The following CERS6 variants were observed in gnomAD, a reference collection of about 807,000 sequenced individuals.
CERS6 encodes LAG1 homolog, ceramide synthase 6.
A neutral mutation model predicts 56.8 loss-of-function variants in CERS6; 26 were observed. The ratio of observed to expected loss-of-function variants is 0.46; its 90% confidence interval spans 0.34 to 0.63. CERS6 has a LOEUF of 0.63. Among genes scored for constraint, CERS6 ranks in the 30% least tolerant of loss-of-function variants. CERS6 has a pLI of 0.01. For missense variants in CERS6, 415 were observed against 467.5 expected, an observed-to-expected ratio of 0.89 and a Z score of 1.04; for synonymous variants, 164 against 173.3, an observed-to-expected ratio of 0.95 and a Z score of 0.42.
chr2:168,579,661 A>G (rs540809810), intron 3 of CERS6, among the ~76,000 whole-genome samples: 1 of 152,260 alleles, frequency 6.6e-6, no homozygotes, highest in South Asian at 2.1e-4. Flanking sequence ...TGGCACAGGT[A>G]TACCCACCTG....
rs145418479 is a variant in CERS6 at position 168,735,880 on chromosome 2, C to CAAAAA, written c.845+17916_845+17920dup. Among the ~76,000 whole-genome samples, 384 of 106,472 alleles carry CAAAAA rather than the reference C, an allele frequency of 3.6e-3. 5 individuals are homozygous for CAAAAA. The highest frequency in any genetic ancestry group is 0.013 in the African/African-American group (353 of 27,532). 69.8% of individuals were successfully genotyped at this position (106,472 alleles called of 152,430 possible). Reference sequence around the variant, plus strand: ...TAGGAGACAGAAGGAGACCCTGTCTCAAAAAAAAAAAAAAAAAAGAAAGAA... The same window carrying CAAAAA: ...TAGGAGACAGAAGGAGACCCTGTCTCAAAAAAAAAAAAAAAAAAAAAAAGAAAGAA... On this transcript the variant is annotated intron_variant, in intron 8 of 9. Transcript: ENST00000305747.
chr2:168,650,464 C>T (rs1685315772), intron 4 of CERS6, among the ~76,000 whole-genome samples: 1 of 152,248 alleles, frequency 6.6e-6, no homozygotes, highest in Non-Finnish European at 1.5e-5. Context: ...TTGTTAAATC[C>T]TTTACATTTC....
intron 1 of CERS6, among the ~76,000 whole-genome samples, chr2:168,526,460 G>A (rs1695073728): frequency 6.6e-6 from 1 of 152,176 alleles, no homozygotes; most frequent in Non-Finnish European, 1.5e-5. Context: ...TTATTGATAT[G>A]TTATTTTTCT....
intron 1 of CERS6, among the ~76,000 whole-genome samples, chr2:168,505,733 C>T (rs547892664): frequency 2.4e-4 from 37 of 152,294 alleles, no homozygotes; most frequent in African/African-American, 8.4e-4. Context: ...CCCCTTGTCT[C>T]CCCACAGTAC....
At chr2:168,524,423 C>T (rs1236877040) in intron 1 of CERS6, among the ~76,000 whole-genome samples, 2 of 152,168 alleles carry the variant, frequency 1.3e-5, no homozygotes, top group South Asian at 2.1e-4. Context: ...AGCTAAGTCT[C>T]AGTCTTCTCT....
At chr2:168,660,009 C>T (rs1253973671) in intron 4 of CERS6, among the ~76,000 whole-genome samples, 1 of 152,070 alleles carries the variant, frequency 6.6e-6, no homozygotes, top group Non-Finnish European at 1.5e-5. Flanking sequence ...TGGAAATGTG[C>T]CTGGAGTGAG....
Position 168,774,369 on chromosome 2 carries a change from T to G in CERS6, c.*4707T>G, listed in dbSNP as rs1414494051. ...ATTTCCCAATAGCTTGTGGATCAGT[T>G]GTACACCCACACTTCCTTCTCTGCC... On this transcript the variant is annotated 3_prime_UTR_variant, in exon 10 of 10. Transcript: ENST00000305747. The G allele has an allele frequency of 2.6e-5, 4 of 152,226 alleles. No homozygotes were observed. The highest frequency in any genetic ancestry group is 5.9e-5 in the Non-Finnish European group (4 of 68,040). The allele number at this position is 152,226 out of a possible 1,614,324, so 9.4% of individuals were successfully genotyped here. A position where few individuals can be genotyped will look rare whatever the true frequency, so the allele number is the denominator to read the frequency against.
Position 168,514,341 on chromosome 2 carries a change from T to C in CERS6, c.171-33255T>C, listed in dbSNP as rs537183404. Among the ~76,000 whole-genome samples, 6 of 152,316 alleles carry C rather than the reference T, an allele frequency of 3.9e-5. No homozygotes were observed. The East Asian group carries it at 1.2e-3, about 29-fold the overall frequency. ...CTGTTCCTTCTACATTGCTGTCAGCTTCACCTCTAATATGGCTTGCTTTTC... is the reference window on the plus strand; with the variant it reads ...CTGTTCCTTCTACATTGCTGTCAGCCTCACCTCTAATATGGCTTGCTTTTC... On this transcript the variant is annotated intron_variant, in intron 1 of 9. Transcript: ENST00000305747.
chr2:168,542,072 A>G (rs1433119069), intron 1 of CERS6, among the ~76,000 whole-genome samples: 1 of 152,046 alleles, frequency 6.6e-6, no homozygotes, highest in Non-Finnish European at 1.5e-5. Flanking sequence ...CACTTCCCCA[A>G]AGTCAGTTTC....
At chr2:168,661,203 T>C (rs58759396) in intron 4 of CERS6, among the ~76,000 whole-genome samples, 7,250 of 152,264 alleles carry the variant, frequency 0.048, 442 homozygotes, top group African/African-American at 0.14. Context: ...TATAGTTGTA[T>C]CCTAAGAATG....
chr2:168,460,130 A>G (rs1349627), intron 1 of CERS6, among the ~76,000 whole-genome samples: 150,811 of 152,296 alleles, frequency 0.99, 74,687 homozygotes, highest in East Asian at 1. Context: ...CCTGTGGATC[A>G]TCTGTGCTTG....
intron 1 of CERS6, among the ~76,000 whole-genome samples, chr2:168,516,720 G>T (rs1015615727): frequency 1.3e-5 from 2 of 152,176 alleles, no homozygotes; most frequent in Non-Finnish European, 2.9e-5. Flanking sequence ...TTTGATATGT[G>T]ACCTTAGGCC....
At chr2:168,481,560 A>T (rs1166996878) in intron 1 of CERS6, among the ~76,000 whole-genome samples, 1 of 152,196 alleles carries the variant, frequency 6.6e-6, no homozygotes, top group African/African-American at 2.4e-5. Flanking sequence ...GTAAACACTG[A>T]ATAGAGTGAA....
intron 8 of CERS6, among the ~76,000 whole-genome samples, chr2:168,730,453 C>T (rs961809200): frequency 1.3e-5 from 2 of 152,136 alleles, no homozygotes; most frequent in African/African-American, 4.8e-5. Context: ...AGAGAGAGGG[C>T]AGCATGGGAA....
chr2:168,461,279 T>C (rs554013088), intron 1 of CERS6, among the ~76,000 whole-genome samples: 1 of 152,248 alleles, frequency 6.6e-6, no homozygotes, highest in African/African-American at 2.4e-5. Context: ...ATGGCAATAT[T>C]CACATTAAAA....
intron 3 of CERS6, among the ~76,000 whole-genome samples, chr2:168,565,357 A>T (rs1193364670): frequency 8.5e-5 from 13 of 152,202 alleles, no homozygotes; most frequent in Admixed American, 8.5e-4. Context: ...GAGTCTGAAC[A>T]TGTATATCAT....
At chr2:168,562,292 G>C (rs1383239877) in intron 3 of CERS6, among the ~76,000 whole-genome samples, 3 of 152,174 alleles carry the variant, frequency 2.0e-5, no homozygotes, top group Non-Finnish European at 2.9e-5. Context: ...GGTATTTCTA[G>C]TCGGGTGGGA....
At chr2:168,459,578 G>C (rs1016087727) in intron 1 of CERS6, among the ~76,000 whole-genome samples, 1 of 151,922 alleles carries the variant, frequency 6.6e-6, no homozygotes, top group Admixed American at 6.6e-5. Flanking sequence ...TTAACTCCGG[G>C]TAAGGACCAG....
chr2:168,518,647 C>T (rs961716736), intron 1 of CERS6, among the ~76,000 whole-genome samples: 1 of 152,118 alleles, frequency 6.6e-6, no homozygotes, highest in Non-Finnish European at 1.5e-5. Flanking sequence ...GACGTGATCC[C>T]TTGGTTTCAA....
Sources: allele counts gnomAD v4.1 joint callset (sites outside exome capture counted in the v4.1 genomes callset), GRCh38; gene constraint gnomAD v4.1.1; transcripts MANE v1.5; gene names NCBI Gene and HGNC (gene_info 2026-07-23, HGNC 2026-07-21).